HGD: variants seen among roughly 807,000 people sequenced by gnomAD.
HGD encodes the protein homogentisate oxidase.
Under a neutral mutation model 60.8 loss-of-function variants are expected in HGD, and 61 were observed. That is an observed-to-expected ratio of 1.00 (90% CI 0.82 to 1.24). The LOEUF (loss-of-function observed/expected upper bound fraction) is 1.24, where lower values mean the gene tolerates loss of function less well. Ranked by LOEUF, HGD falls within the 50% of genes most tolerant of loss-of-function variation. The pLI, the probability that HGD is intolerant of heterozygous loss-of-function variation, is 0.00. For missense variants in HGD, 542 were observed against 547.1 expected (o/e 0.99, Z 0.09); for synonymous variants, 212 against 187.7 (o/e 1.13, Z -1.06).
At chr3:120,629,868 G>C (rs570646169) in intron 13 of HGD, among the ~76,000 whole-genome samples, 1 of 152,144 alleles carries the variant, frequency 6.6e-6, no homozygotes. Flanking sequence ...TCTATATCTA[G>C]AAAACACCAT....
At chr3:120,644,615 G>A in intron 9 of HGD, 172 bp from the exon 10 acceptor site, 7 of 1,532,264 alleles carry the variant, frequency 4.6e-6, no homozygotes, top group Non-Finnish European at 6.1e-6. Flanking sequence ...GAAGACCCAA[G>A]GAATCTGGTC....
At chr3:120,664,615 G>C (rs556181537) in intron 4 of HGD, among the ~76,000 whole-genome samples, 4 of 151,858 alleles carry the variant, frequency 2.6e-5, no homozygotes, top group African/African-American at 9.7e-5. Context: ...CATTTGTGTA[G>C]AGCCAGGGTC....
intron 2 of HGD, 151 bp downstream of exon 2, chr3:120,675,641 T>C: frequency 1.4e-6 from 1 of 692,056 alleles, no homozygotes; most frequent in South Asian, 1.5e-5. Flanking sequence ...GTCATTGCTC[T>C]GTATCTTCAT....
In HGD at chr3:120,635,746, T is replaced by A. The variant is rs576453771; in HGVS notation, c.1007-2418A>T. On this transcript the variant is annotated intron_variant, in intron 12 of 13. Transcript: ENST00000283871. ...CCTGGGGCCAAATTTACTTTGAGAG[T>A]CATTAAAAAACTATAGGAGGCATCT... Among the ~76,000 whole-genome samples, 11 of 151,954 alleles carry A rather than the reference T, an allele frequency of 7.2e-5. No individual in the cohort carries two copies. In the East Asian group the frequency reaches 2.1e-3, roughly 30 times the overall value.
chr3:120,635,924 A>T (rs926548220), intron 12 of HGD, among the ~76,000 whole-genome samples: 1 of 152,020 alleles, frequency 6.6e-6, no homozygotes, highest in Admixed American at 6.6e-5. Context: ...AGTATTTCTC[A>T]ACAAGCAGTC....
At chr3:120,658,920 T>A (rs1013765) in intron 4 of HGD, among the ~76,000 whole-genome samples, 19,859 of 152,226 alleles carry the variant, frequency 0.13, 1,342 homozygotes, top group East Asian at 0.19. Context: ...CTGGAGCAGC[T>A]GGGATGCAGA....
At position 120,628,541 on chromosome 3, in the gene HGD, G is replaced by C; in HGVS notation, c.1189-12C>G. ...TCAAACATAAATGCCTGGAGGAAGT[G>C]ACGATGGGGATGAGAAAAAAGAGGT... On this transcript the variant is annotated splice_polypyrimidine_tract_variant and intron_variant, in intron 13 of 13. Coordinates refer to ENST00000283871, the MANE Select transcript of HGD (RefSeq NM_000187.4). 6.2e-7 allele frequency: 1 copy of C among 1,613,848 alleles called. No homozygotes were observed. The highest frequency in any genetic ancestry group is 1.7e-5 in the Admixed American group (1 of 60,014).
intron 1 of HGD, among the ~76,000 whole-genome samples, chr3:120,679,993 C>T (rs1316778976): frequency 6.6e-6 from 1 of 152,164 alleles, no homozygotes; most frequent in African/African-American, 2.4e-5. Flanking sequence ...TCTGGCTAAT[C>T]ATTAGAATCA....
chr3:120,670,431 T>C lies in HGD; in HGVS notation c.278A>G (p.Asn93Ser). Residue 93 changes from asparagine to serine, a missense_variant, in exon 4 of 14, where the codon AAC becomes AGC. By Grantham distance (46) the Asn-to-Ser change is conservative. This residue lies in a region of HGD where 537 missense variants were observed against 529.1 expected (regional missense o/e 1.01). Transcript: ENST00000283871. Reference protein sequence around the residue: ...HNWDEVDPDPNQLRWKPFEIP... With the variant: ...HNWDEVDPDPSQLRWKPFEIP... ...CAATTCACAGGACCAGGTTACCTGG[T>C]TAGGATCAGGATCAACTTCATCCCA... 1 of 1,542,594 alleles carries C rather than the reference T, an allele frequency of 6.5e-7. No individual in the cohort carries two copies.
intron 12 of HGD, among the ~76,000 whole-genome samples, chr3:120,636,739 T>C (rs906659143): frequency 6.6e-6 from 1 of 152,248 alleles, no homozygotes; most frequent in Non-Finnish European, 1.5e-5. Context: ...AGGGGGATGC[T>C]GGCATTTGAC....
chr3:120,652,480 T>C, intron 5 of HGD, 112 bp downstream of exon 5: 1 of 793,772 alleles, frequency 1.3e-6, no homozygotes, highest in South Asian at 1.4e-5. Context: ...GTTTTGTCTC[T>C]GCTGCCTCCT....
rs144090347 is a variant in HGD, at chr3:120,668,486, G to A, written c.282+1941C>T. On this transcript the variant is annotated intron_variant, in intron 4 of 13. Transcript: ENST00000283871. ...TGTCATGGTAAACAAAGGGGAAGCA[G>A]GAGATTTCCTTGGGTTGTGGAAAGT... Among the ~76,000 whole-genome samples the A allele has an allele frequency of 7.5e-3, 1,145 of 152,136 alleles. 16 individuals are homozygous for A. The highest frequency in any genetic ancestry group is 0.026 in the African/African-American group (1,096 of 41,488).
rs777846799 is a variant in HGD, at chr3:120,647,896, T to G, written c.450A>C (p.Ser150=). 6.2e-7 allele frequency: 1 copy of G among 1,612,252 alleles called. No homozygotes were observed. ...ACTCACCAATCAAGAAGTCCCCATC[T>G]GAATTGTAAAAGCATCTGAAACATA... is the stretch of plus-strand genomic sequence containing the variant. ...TSMENRCFYN[S]DGDFLIVPQK... Residue 150 remains serine, a synonymous_variant, in exon 7 of 14, where the codon TCA becomes TCC. Coordinates refer to ENST00000283871, the MANE Select transcript of HGD (RefSeq NM_000187.4).
At chr3:120,647,752 T>C in intron 7 of HGD, 125 bp downstream of exon 7, 2 of 852,778 alleles carry the variant, frequency 2.3e-6, no homozygotes, top group Non-Finnish European at 4.1e-6. Flanking sequence ...CCTCAGTCTC[T>C]GGATTGCACT....
intron 13 of HGD, among the ~76,000 whole-genome samples, chr3:120,630,567 G>C (rs1480131163): frequency 6.6e-6 from 1 of 151,994 alleles, no homozygotes; most frequent in Non-Finnish European, 1.5e-5. Context: ...CAACTGGCTA[G>C]TCATAAGCAG....
intron 1 of HGD, among the ~76,000 whole-genome samples, chr3:120,678,537 G>A (rs966821012): frequency 1.3e-5 from 2 of 152,162 alleles, no homozygotes; most frequent in Non-Finnish European, 2.9e-5. Flanking sequence ...TTTGGAACAC[G>A]AGTTAGTATA....
At position 120,638,553 on chromosome 3, in the gene HGD, G is replaced by T. The variant is rs1196051956; in HGVS notation, c.908C>A (p.Ala303Asp). ...GGCCACTCCAGGGCGGACAGACTTAGCAGTCAATACTGTGAAAATGGATGG... is the reference window on the plus strand; with the variant it reads ...GGCCACTCCAGGGCGGACAGACTTATCAGTCAATACTGTGAAAATGGATGG... ...ADPSIFTVLTAKSVRPGVAIA... is the reference protein window; with the variant it reads ...ADPSIFTVLTDKSVRPGVAIA... Residue 303 changes from alanine to aspartate, a missense_variant, in exon 12 of 14, where the codon GCT (alanine) becomes GAT (aspartate). Physicochemically the swap from Ala to Asp is moderately radical, Grantham distance 126. Coordinates refer to ENST00000283871, the MANE Select transcript of HGD (RefSeq NM_000187.4). The T allele has an allele frequency of 2.5e-6, 4 of 1,613,876 alleles. No homozygotes were observed. Among genetic ancestry groups the T allele is most frequent in the Non-Finnish European group, 3.4e-6 (4 of 1,179,938 alleles).
chr3:120,641,766 T>G lies in HGD; in HGVS notation c.775-73A>C, dbSNP rs560608926. The G allele has an allele frequency of 5.5e-6, 5 of 913,438 alleles. No individual in the cohort carries two copies. In the Admixed American group the frequency reaches 8.5e-5, roughly 16 times the overall value. 56.6% of individuals were successfully genotyped at this position (913,438 alleles called of 1,614,324 possible). ...GTAGCTGTGATCCCACAATATGTAC[T>G]GAGTATACCTCTCTCTTCTTTTGAT... On this transcript the variant is annotated intron_variant, in intron 10 of 13. Transcript: ENST00000283871.
At chr3:120,670,977 T>A (rs939441071) in intron 3 of HGD, among the ~76,000 whole-genome samples, 1 of 152,212 alleles carries the variant, frequency 6.6e-6, no homozygotes, top group East Asian at 1.9e-4. Flanking sequence ...GTATCTTTGT[T>A]ATTTTTGAAA....
Sources: gnomAD v4.1 joint callset for allele counts (sites outside exome capture counted in the v4.1 genomes callset) on GRCh38, gnomAD v4.1.1 for gene constraint, gnomAD v4.1.1 regional missense constraint, MANE v1.5 for transcripts, NCBI Gene and HGNC (gene_info 2026-07-23, HGNC 2026-07-21) for gene names.